The following OR2C1 variants were observed in gnomAD, a reference collection of about 807,000 sequenced individuals.
OR2C1 encodes olfactory receptor 2C1.
For missense variants in OR2C1, 468 were observed against 388.3 expected (o/e 1.21, Z -1.73); for synonymous variants, 209 against 167.3 (o/e 1.25, Z -1.92).
At chr16:3,330,667 GTAAT>G in the OR2C1 span, among the ~76,000 whole-genome samples, 2 of 152,242 alleles carry the variant, frequency 1.3e-5, no homozygotes, top group Non-Finnish European at 2.9e-5. Flanking sequence ...TCAAATGAGA[GTAAT>G]TAGTATATCT....
the OR2C1 span, among the ~76,000 whole-genome samples, chr16:3,333,209 CCATTTTTTT>C: frequency 1.5e-4 from 3 of 19,846 alleles, no homozygotes; most frequent in Admixed American, 4.8e-4. Flanking sequence ...GATCTTTTGC[CCATTTTTTT>C]TTTTTTTTTT....
In OR2C1 at chr16:3,356,309, C is replaced by G; in HGVS notation, c.369C>G (p.Tyr123Ter). 3 of 1,613,334 alleles carry G rather than the reference C, an allele frequency of 1.9e-6. No individual in the cohort carries two copies. Among genetic ancestry groups the G allele is most frequent in the Non-Finnish European group, 2.5e-6 (3 of 1,179,920 alleles). ...TGGTGGTGATGGCATTTGACCGCTA[C>G]GTGGCAGTGTGCCGGCCCCTCCGCT... ...ILLVVMAFDR[Y>*]VAVCRPLRYT... Residue 123 changes from tyrosine (Y) to a stop codon, truncating the protein, a stop_gained, in exon 1 of 1, where the codon TAC becomes TAG. Coordinates refer to ENST00000304936, the MANE Select transcript of OR2C1 (RefSeq NM_012368.3). LOFTEE classifies it low-confidence loss of function (END_TRUNC).
chr16:3,329,095 A>G, the OR2C1 span, among the ~76,000 whole-genome samples: 9 of 151,248 alleles, frequency 6.0e-5, no homozygotes, highest in Middle Eastern at 3.4e-3. Flanking sequence ...GATACAGTCA[A>G]ATAAGGAATC....
In OR2C1 at chr16:3,356,862, G is replaced by GTTGGCT; in HGVS notation, c.922_923insTTGGCT (p.Gly308delinsValGlyTer). The stretch of plus-strand genomic sequence containing the variant: ...CGCACTGAGGAGGTTGCTGGGGAAA[G>GTTGGCT]GAAGAGAAGTTGGCTGAGAGAACAC... On this transcript the variant is annotated stop_gained and protein_altering_variant, in exon 1 of 1. Coordinates refer to ENST00000304936, the MANE Select transcript of OR2C1 (RefSeq NM_012368.3). LOFTEE classifies it high-confidence loss of function. The GTTGGCT allele has an allele frequency of 6.3e-7, 1 of 1,595,570 alleles. No homozygotes were observed. Among genetic ancestry groups the GTTGGCT allele is most frequent in the Non-Finnish European group, 8.5e-7 (1 of 1,169,614 alleles).
the OR2C1 span, among the ~76,000 whole-genome samples, chr16:3,324,538 A>T: frequency 2.9e-3 from 437 of 152,338 alleles, 4 homozygotes; most frequent in East Asian, 0.037. Flanking sequence ...TACTCACTCT[A>T]CTGAATTGAC....
chr16:3,338,033 C>G, the OR2C1 span, among the ~76,000 whole-genome samples: 4 of 152,166 alleles, frequency 2.6e-5, no homozygotes, highest in African/African-American at 4.8e-5. Flanking sequence ...TGCCTTGGCT[C>G]TAGTGAATGA....
At chr16:3,327,535 C>T in the OR2C1 span, among the ~76,000 whole-genome samples, 2 of 151,812 alleles carry the variant, frequency 1.3e-5, no homozygotes, top group Non-Finnish European at 2.9e-5. Context: ...TTGACCTCCT[C>T]CCTGGAGTAT....
the OR2C1 span, among the ~76,000 whole-genome samples, chr16:3,328,947 A>T: frequency 6.6e-6 from 1 of 151,700 alleles, no homozygotes; most frequent in Non-Finnish European, 1.5e-5. Flanking sequence ...AGGGAATAGT[A>T]AACACAACAC....
At chr16:3,333,330 T>A in the OR2C1 span, among the ~76,000 whole-genome samples, 9 of 151,318 alleles carry the variant, frequency 5.9e-5, no homozygotes, top group Non-Finnish European at 1.0e-4. Context: ...TTTCTTTTTT[T>A]ATTTTATTTT....
At chr16:3,349,200 G>T in the OR2C1 span, among the ~76,000 whole-genome samples, 10 of 152,194 alleles carry the variant, frequency 6.6e-5, no homozygotes, top group East Asian at 1.9e-3. Flanking sequence ...CATATAATTA[G>T]CAATTATTTA....
At chr16:3,347,193 G>A in the OR2C1 span, among the ~76,000 whole-genome samples, 2 of 130,668 alleles carry the variant, frequency 1.5e-5, no homozygotes, top group South Asian at 2.5e-4. Flanking sequence ...GTTGCAGTGA[G>A]CCAAGATGGT....
chr16:3,330,682 G>C, the OR2C1 span, among the ~76,000 whole-genome samples: 2 of 152,110 alleles, frequency 1.3e-5, no homozygotes, highest in African/African-American at 4.8e-5. Flanking sequence ...TAGTATATCT[G>C]TCACATTAAA....
the OR2C1 span, among the ~76,000 whole-genome samples, chr16:3,346,057 A>G: frequency 6.6e-6 from 1 of 151,542 alleles, no homozygotes; most frequent in South Asian, 2.1e-4. Context: ...CTGGTCTTGA[A>G]CTCCTGACTC....
chr16:3,353,489 CAA>C (rs58703245), upstream of OR2C1, among the ~76,000 whole-genome samples: 1,983 of 82,936 alleles, frequency 0.024, 52 homozygotes, highest in African/African-American at 0.068. Flanking sequence ...GACTCCGTCT[CAA>C]AAAAAAAAAA....
At chr16:3,347,323 A>G in the OR2C1 span, among the ~76,000 whole-genome samples, 1,698 of 151,282 alleles carry the variant, frequency 0.011, 32 homozygotes, top group African/African-American at 0.039. Context: ...TGAGCCCAGG[A>G]ATTGGAGGCT....
Position 3,356,664 on chromosome 16 carries a change from C to T in OR2C1, c.724C>T (p.Leu242Phe), listed in dbSNP as rs1331584224. Residue 242 changes from leucine (L) to phenylalanine (F), a missense_variant, in exon 1 of 1, where the codon CTC becomes TTC. Coordinates refer to ENST00000304936, the MANE Select transcript of OR2C1 (RefSeq NM_012368.3). ...GAGGCGAAAGGCGTTCAATACGTGC[C>T]TCTCCCATCTGCTGGTGGTGTTCCT... ...EGRRKAFNTC[L>F]SHLLVVFLFY... 3.1e-6 allele frequency: 5 copies of T among 1,614,042 alleles called. No homozygotes were observed. Among genetic ancestry groups the T allele is most frequent in the Non-Finnish European group, 4.2e-6 (5 of 1,180,030 alleles).
At chr16:3,335,568 C>T in the OR2C1 span, among the ~76,000 whole-genome samples, 2 of 133,790 alleles carry the variant, frequency 1.5e-5, no homozygotes, top group Admixed American at 1.7e-4. Context: ...GCTCTATTGC[C>T]CAGGCTGGAG....
At chr16:3,323,226 C>T in the OR2C1 span, 1 of 754,646 alleles carries the variant, frequency 1.3e-6, no homozygotes, top group Non-Finnish European at 2.4e-6. Context: ...GCATTCACCC[C>T]AATAGCCAGA....
the OR2C1 span, among the ~76,000 whole-genome samples, chr16:3,326,679 C>T: frequency 3.3e-5 from 5 of 152,112 alleles, no homozygotes; most frequent in Non-Finnish European, 7.4e-5. Flanking sequence ...ATTCTACCTC[C>T]TTGGTTAGAC....
Sources: allele counts gnomAD v4.1 joint callset (sites outside exome capture counted in the v4.1 genomes callset), GRCh38; gene constraint gnomAD v4.1.1; transcripts MANE v1.5; gene names NCBI Gene and HGNC (gene_info 2026-07-23, HGNC 2026-07-21).